MBNL2: variants seen among roughly 807,000 people sequenced by gnomAD.
The protein encoded by MBNL2 is muscleblind like splicing regulator 2.
A neutral mutation model predicts 41.9 loss-of-function variants in MBNL2; 17 were observed. The observed-to-expected ratio is 0.41, with a 90% CI of 0.28 to 0.61. The LOEUF (loss-of-function observed/expected upper bound fraction) is 0.61. Ranked by LOEUF, MBNL2 falls within the 20% of genes least tolerant of loss-of-function variation. The pLI is 0.35. For synonymous variants in MBNL2, 195 were observed against 182.9 expected (o/e 1.07, Z -0.53); for missense variants, 336 against 505.6 (o/e 0.66, Z 3.22).
At chr13:97,228,395 A>T (rs999325882) in intron 1 of MBNL2, among the ~76,000 whole-genome samples, 28 of 152,180 alleles carry the variant, frequency 1.8e-4, no homozygotes, top group South Asian at 1.0e-3. Flanking sequence ...TGGAGGTAGG[A>T]GATTAATTAT....
chr13:97,342,088 T>C (rs9516913), intron 3 of MBNL2, among the ~76,000 whole-genome samples: 55,391 of 152,130 alleles, frequency 0.36, 10,396 homozygotes, highest in Admixed American at 0.44. Flanking sequence ...TACAATTTAT[T>C]CTAAGAAAAA....
rs1238411809 is a variant in MBNL2 at position 97,291,917 on chromosome 13, AGT to A, written c.174+15510_174+15511del. Among the ~76,000 whole-genome samples the A allele has an allele frequency of 6.2e-4, 78 of 125,370 alleles. 3 individuals carry two copies. Among genetic ancestry groups the A allele is most frequent in the South Asian group, 1.4e-3 (5 of 3,618 alleles). 82.2% of individuals were successfully genotyped at this position (125,370 alleles called of 152,430 possible). On this transcript the variant is annotated intron_variant, in intron 2 of 8. Transcript: ENST00000679496. Reference sequence around the variant, plus strand: ...CTCCGTCTCAAAAAAAAAAAAAAAAAGTGGGCTGGGTGCGGTGGCTCACGCCT... The same window carrying A: ...CTCCGTCTCAAAAAAAAAAAAAAAAAGGGCTGGGTGCGGTGGCTCACGCCT...
chr13:97,219,852 G>A (rs548257958), upstream of MBNL2, among the ~76,000 whole-genome samples: 1 of 152,204 alleles, frequency 6.6e-6, no homozygotes, highest in Non-Finnish European at 1.5e-5. Context: ...AAGGGGTCAA[G>A]AATATATTCA....
At chr13:97,364,393 T>G (rs979512127) in intron 7 of MBNL2, among the ~76,000 whole-genome samples, 3 of 152,176 alleles carry the variant, frequency 2.0e-5, no homozygotes, top group Non-Finnish European at 4.4e-5. Context: ...TTAAGCTTTA[T>G]TGCCAGGCAC....
At chr13:97,211,230 G>A in the MBNL2 span, among the ~76,000 whole-genome samples, 8 of 152,256 alleles carry the variant, frequency 5.3e-5, no homozygotes, top group Middle Eastern at 3.4e-3. Flanking sequence ...ATCCATGATT[G>A]TAAGCTCACC....
chr13:97,166,787 GAT>G, the MBNL2 span, among the ~76,000 whole-genome samples: 1 of 18,778 alleles, frequency 5.3e-5, no homozygotes, highest in African/African-American at 1.7e-4. Context: ...TCCCTTGATA[GAT>G]AGATAGATAG....
intron 1 of MBNL2, among the ~76,000 whole-genome samples, chr13:97,255,656 G>C (rs1466814578): frequency 1.3e-5 from 2 of 152,184 alleles, no homozygotes; most frequent in East Asian, 3.8e-4. Context: ...GTATTTCAGA[G>C]AGCCTTCACT....
intron 2 of MBNL2, among the ~76,000 whole-genome samples, chr13:97,283,098 GTGT>G (rs1218932080): frequency 1.3e-5 from 2 of 152,172 alleles, no homozygotes; most frequent in Non-Finnish European, 2.9e-5. Flanking sequence ...CTTTTTGCCT[GTGT>G]TGTTTTCCTA....
intron 4 of MBNL2, among the ~76,000 whole-genome samples, chr13:97,344,251 C>G (rs911373625): frequency 3.3e-5 from 5 of 152,188 alleles, no homozygotes; most frequent in Admixed American, 3.3e-4. Flanking sequence ...TAAAATTTCT[C>G]TTTAATCAGA....
intron 1 of MBNL2, among the ~76,000 whole-genome samples, chr13:97,272,038 A>G (rs1380957513): frequency 6.6e-6 from 1 of 152,176 alleles, no homozygotes; most frequent in East Asian, 1.9e-4. Context: ...TTACATTCCC[A>G]CCAACAGTAT....
the MBNL2 span, among the ~76,000 whole-genome samples, chr13:97,165,492 T>G: frequency 6.6e-6 from 1 of 152,176 alleles, no homozygotes; most frequent in African/African-American, 2.4e-5. Flanking sequence ...AATTAATTAT[T>G]TGGAGGAAGG....
At chr13:97,303,517 T>C (rs2057839614) in intron 2 of MBNL2, among the ~76,000 whole-genome samples, 2 of 152,344 alleles carry the variant, frequency 1.3e-5, no homozygotes, top group South Asian at 4.1e-4. Flanking sequence ...CCCAGCCAGC[T>C]AGCTGCCGGC....
intron 5 of MBNL2, among the ~76,000 whole-genome samples, chr13:97,347,551 CTT>C (rs1459984421): frequency 6.6e-6 from 1 of 152,250 alleles, no homozygotes; most frequent in East Asian, 1.9e-4. Context: ...ATTTTCTCCT[CTT>C]CTTTCACTTA....
At chr13:97,295,932 C>A (rs931667265) in intron 2 of MBNL2, among the ~76,000 whole-genome samples, 1 of 152,146 alleles carries the variant, frequency 6.6e-6, no homozygotes, top group Admixed American at 6.5e-5. Flanking sequence ...AGGAAACCAA[C>A]AAAATATATC....
chr13:97,378,687 C>T (rs150161691), intron 8 of MBNL2, among the ~76,000 whole-genome samples: 15 of 152,006 alleles, frequency 9.9e-5, no homozygotes, highest in East Asian at 5.8e-4. Flanking sequence ...TTCCAACATA[C>T]GGGGTGCCAT....
the MBNL2 span, among the ~76,000 whole-genome samples, chr13:97,188,507 C>T: frequency 6.6e-6 from 1 of 152,134 alleles, no homozygotes; most frequent in African/African-American, 2.4e-5. Context: ...AATATGCATG[C>T]CTTTTCCTTA....
At chr13:97,210,904 G>A in the MBNL2 span, among the ~76,000 whole-genome samples, 38 of 152,096 alleles carry the variant, frequency 2.5e-4, no homozygotes, top group South Asian at 7.9e-3. Context: ...CCTGGTGTGG[G>A]AAGGATTTCT....
upstream of MBNL2, among the ~76,000 whole-genome samples, chr13:97,221,860 T>C (rs193300239): frequency 3.5e-4 from 54 of 152,360 alleles, no homozygotes; most frequent in African/African-American, 1.3e-3. Context: ...ATAATGGAAA[T>C]ATGTAAATGT....
At chr13:97,277,235 C>T (rs572768226) in intron 2 of MBNL2, among the ~76,000 whole-genome samples, 8 of 152,194 alleles carry the variant, frequency 5.3e-5, no homozygotes, top group South Asian at 2.1e-4. Flanking sequence ...ATGAGTTAAC[C>T]GCTAATGCTG....
Sources: allele counts gnomAD v4.1 joint callset (sites outside exome capture counted in the v4.1 genomes callset), GRCh38; gene constraint gnomAD v4.1.1; transcripts MANE v1.5; gene names NCBI Gene and HGNC (gene_info 2026-07-23, HGNC 2026-07-21).